The following COL28A1 variants were observed in gnomAD, a reference collection of about 807,000 sequenced individuals.
The protein encoded by COL28A1 is collagen alpha-1(XXVIII) chain.
Under a neutral mutation model 150.2 loss-of-function variants are expected in COL28A1, and 161 were observed. The ratio of observed to expected loss-of-function variants is 1.07; its 90% CI spans 0.94 to 1.22. The LOEUF (loss-of-function observed/expected upper bound fraction) is 1.22, where lower values mean the gene tolerates loss of function less well. COL28A1 is among the 50% of genes most tolerant of loss of function. The pLI is 0.00. For synonymous variants in COL28A1, 552 were observed against 469.7 expected, an observed-to-expected ratio of 1.18 and a Z score of -2.26; for missense variants, 1,617 against 1,388.3, an observed-to-expected ratio of 1.16 and a Z score of -2.62.
intron 11 of COL28A1, among the ~76,000 whole-genome samples, chr7:7,505,457 AT>A (rs1780755647): frequency 6.6e-6 from 1 of 152,260 alleles, no homozygotes; most frequent in South Asian, 2.1e-4. Context: ...GCCTTTAAAG[AT>A]CCCTCCCATC....
At position 7,480,347 on chromosome 7, in the gene COL28A1, T is replaced by G. The variant is rs1789283485; in HGVS notation, c.1165-3167A>C. Among the ~76,000 whole-genome samples, 14 of 152,340 alleles carry G rather than the reference T, an allele frequency of 9.2e-5. No homozygotes were observed. The South Asian group carries it at 2.9e-3, about 32-fold the overall frequency. On this transcript the variant is annotated intron_variant, in intron 13 of 34. Transcript: ENST00000399429. ...CTTTTTCAATTTAAATTGTAACACT[T>G]AACAGAAACCTAGCTTTTAACACTT... is the stretch of plus-strand genomic sequence containing the variant.
chr7:7,378,063 C>G (rs73040633), intron 30 of COL28A1, among the ~76,000 whole-genome samples: 1 of 151,968 alleles, frequency 6.6e-6, no homozygotes, highest in Non-Finnish European at 1.5e-5. Flanking sequence ...GAGTCTCATA[C>G]GTCTATAAGA....
intron 13 of COL28A1, among the ~76,000 whole-genome samples, chr7:7,482,193 T>A (rs1378574661): frequency 6.6e-6 from 1 of 152,216 alleles, no homozygotes; most frequent in African/African-American, 2.4e-5. Flanking sequence ...TTGTCAGCCC[T>A]AAGATAAGTC....
intron 28 of COL28A1, 130 bp downstream of exon 28, chr7:7,381,414 T>A (rs1355079326): frequency 5.8e-6 from 4 of 684,764 alleles, no homozygotes; most frequent in Middle Eastern, 5.4e-4. Flanking sequence ...GATTTTATTT[T>A]GAGTGGATTG....
At chr7:7,523,118 A>G (rs1260910230) in intron 4 of COL28A1, among the ~76,000 whole-genome samples, 8 of 151,788 alleles carry the variant, frequency 5.3e-5, no homozygotes, top group African/African-American at 1.9e-4. Flanking sequence ...ATAAGAAGAC[A>G]CTGTATCATA....
upstream of COL28A1, among the ~76,000 whole-genome samples, chr7:7,538,618 C>T (rs954741515): frequency 1.3e-5 from 2 of 151,988 alleles, no homozygotes; most frequent in Non-Finnish European, 2.9e-5. Flanking sequence ...GTACCAGTGC[C>T]AACATCTTAA....
intron 14 of COL28A1, 129 bp from the exon 15 acceptor site, chr7:7,474,798 C>G (rs143107111): frequency 3.2e-6 from 2 of 621,888 alleles, no homozygotes; most frequent in African/African-American, 3.7e-5. Flanking sequence ...TCACTGTTTA[C>G]TACAAATGGG....
At chr7:7,508,671 G>A (rs891620185) in intron 9 of COL28A1, among the ~76,000 whole-genome samples, 1 of 152,070 alleles carries the variant, frequency 6.6e-6, no homozygotes, top group Non-Finnish European at 1.5e-5. Flanking sequence ...GTTTGCTTTT[G>A]GTTGCTGGTG....
chr7:7,349,928 T>C, the COL28A1 span, among the ~76,000 whole-genome samples: 1 of 152,020 alleles, frequency 6.6e-6, no homozygotes, highest in Non-Finnish European at 1.5e-5. Context: ...AAGAAGCAAA[T>C]AGTTCAGTGT....
intron 25 of COL28A1, among the ~76,000 whole-genome samples, chr7:7,428,696 G>C (rs1277568858): frequency 1.3e-5 from 2 of 152,336 alleles, no homozygotes; most frequent in East Asian, 3.9e-4. Flanking sequence ...ATCCAGGAGT[G>C]AGGACACTGG....
intron 13 of COL28A1, among the ~76,000 whole-genome samples, chr7:7,487,181 T>C (rs1477107058): frequency 6.6e-6 from 1 of 151,250 alleles, no homozygotes; most frequent in East Asian, 1.9e-4. Flanking sequence ...AGAACGACAA[T>C]GAATAAGTGA....
At chr7:7,472,131 T>C (rs1788485465) in intron 15 of COL28A1, among the ~76,000 whole-genome samples, 2 of 152,046 alleles carry the variant, frequency 1.3e-5, no homozygotes, top group Non-Finnish European at 2.9e-5. Flanking sequence ...ATGCCCACTC[T>C]CACCACCCCT....
intron 11 of COL28A1, among the ~76,000 whole-genome samples, chr7:7,499,836 T>C (rs1198921478): frequency 6.6e-6 from 1 of 152,178 alleles, no homozygotes; most frequent in Non-Finnish European, 1.5e-5. Flanking sequence ...AACCAAGTAC[T>C]TAAATAATGA....
intron 26 of COL28A1, 101 bp downstream of exon 26, chr7:7,419,783 AT>A (rs892628234): frequency 3.2e-6 from 2 of 627,294 alleles, no homozygotes; most frequent in African/African-American, 3.8e-5. Flanking sequence ...CAAGAAAAAA[AT>A]AAGTCAACAC....
intron 26 of COL28A1, among the ~76,000 whole-genome samples, chr7:7,418,552 G>A (rs1233893809): frequency 2.0e-5 from 3 of 152,094 alleles, no homozygotes; most frequent in African/African-American, 7.2e-5. Context: ...GTAGACTAAT[G>A]GCTCTAACAA....
chr7:7,353,758 A>G (rs368206677), downstream of COL28A1, among the ~76,000 whole-genome samples: 7 of 152,294 alleles, frequency 4.6e-5, no homozygotes, highest in East Asian at 9.7e-4. Context: ...TCAGTTTTCT[A>G]TGTGGGCAAA....
chr7:7,358,675 G>A lies in COL28A1; in HGVS notation c.3336C>T (p.Phe1112=), dbSNP rs1583208136. ...FSGCNGSGNR[F]NSEKECQETC... ...TTTCTTGACATTCCTTTTCACTGTT[G>A]AATCTATTTCCTGAGCCATTACAGC... The change falls in exon 35 of 35, where the codon TTC becomes TTT. Residue 1112 remains phenylalanine, a synonymous_variant. Transcript: ENST00000399429. 1 of 1,613,964 alleles carries A rather than the reference G, an allele frequency of 6.2e-7. No homozygotes were observed. The highest frequency in any genetic ancestry group is 8.5e-7 in the Non-Finnish European group (1 of 1,179,930).
chr7:7,375,356 C>T (rs568243217), intron 31 of COL28A1, 105 bp downstream of exon 31: 22 of 1,059,810 alleles, frequency 2.1e-5, no homozygotes, highest in South Asian at 1.8e-4. Context: ...CACATTTTCC[C>T]GCTAGCTATA....
intron 15 of COL28A1, among the ~76,000 whole-genome samples, chr7:7,472,191 G>T (rs943986786): frequency 7.2e-5 from 11 of 152,118 alleles, no homozygotes; most frequent in African/African-American, 2.7e-4. Context: ...ATAAGAGAAA[G>T]AAATAAAGAA....
Sources: allele counts gnomAD v4.1 joint callset (sites outside exome capture counted in the v4.1 genomes callset), GRCh38; gene constraint gnomAD v4.1.1; transcripts MANE v1.5; gene names NCBI Gene and HGNC (gene_info 2026-07-23, HGNC 2026-07-21).